DPP10: variants seen among roughly 807,000 people sequenced by gnomAD.
DPP10 encodes dipeptidyl peptidase like 10, also known as inactive dipeptidyl peptidase 10.
DPP10 carries 33 observed loss-of-function variants against 120.9 expected under a neutral mutation model. That is an observed-to-expected ratio of 0.27 (90% CI 0.21 to 0.37). The LOEUF is 0.37. Ranked by LOEUF, DPP10 falls within the 10% of genes least tolerant of loss-of-function variation. The pLI is 1.00. For synonymous variants in DPP10, 337 were observed against 326.1 expected (o/e 1.03, Z -0.36); for missense variants, 816 against 942.8 (o/e 0.87, Z 1.76).
chr2:115,098,759 A>G (rs1048952011), intron 1 of DPP10, among the ~76,000 whole-genome samples: 2 of 152,224 alleles, frequency 1.3e-5, no homozygotes, highest in Non-Finnish European at 2.9e-5. Context: ...CAGCCCATGC[A>G]CTATAGCTAG....
At chr2:114,796,125 C>T (rs1031155918) in intron 1 of DPP10, among the ~76,000 whole-genome samples, 9 of 152,250 alleles carry the variant, frequency 5.9e-5, no homozygotes, top group Middle Eastern at 6.8e-3. Context: ...CAGTAAAAAG[C>T]GATCTCTCAC....
chr2:115,453,729 T>G (rs2073306490), intron 3 of DPP10, among the ~76,000 whole-genome samples: 1 of 151,342 alleles, frequency 6.6e-6, no homozygotes, highest in Admixed American at 6.6e-5. Context: ...CTTAAGAAAC[T>G]TAACAACAGA....
chr2:115,195,978 TAAAG>T (rs1030768608), intron 1 of DPP10, among the ~76,000 whole-genome samples: 3 of 152,212 alleles, frequency 2.0e-5, no homozygotes, highest in Non-Finnish European at 4.4e-5. Context: ...GAAGCAGAGA[TAAAG>T]AACACATCTT....
intron 1 of DPP10, among the ~76,000 whole-genome samples, chr2:114,938,125 C>T (rs1362994993): frequency 1.3e-5 from 2 of 152,132 alleles, no homozygotes; most frequent in African/African-American, 4.8e-5. Context: ...CTATTTCATC[C>T]TAACCATTTT....
chr2:115,442,363 T>TTGTGTGTGTG (rs555025083), intron 3 of DPP10, among the ~76,000 whole-genome samples: 201 of 147,350 alleles, frequency 1.4e-3, no homozygotes, highest in African/African-American at 4.6e-3. Context: ...GTGTGTGTGT[T>TTGTGTGTGTG]TGTGTGTGTG....
intron 3 of DPP10, among the ~76,000 whole-genome samples, chr2:115,391,720 T>C (rs977739516): frequency 3.3e-5 from 5 of 152,006 alleles, no homozygotes; most frequent in Admixed American, 2.6e-4. Context: ...CCAAGATTCA[T>C]TTCATTAAAC....
chr2:115,741,099 A>G (rs996439926), intron 9 of DPP10, among the ~76,000 whole-genome samples: 3 of 152,020 alleles, frequency 2.0e-5, no homozygotes, highest in Admixed American at 1.3e-4. Context: ...TTCTGTTCCC[A>G]CCAGCCACCA....
At chr2:115,386,965 T>C (rs553351375) in intron 3 of DPP10, among the ~76,000 whole-genome samples, 140 of 151,262 alleles carry the variant, frequency 9.3e-4, no homozygotes, top group African/African-American at 3.3e-3. Context: ...CTTTAAAGAG[T>C]GCTAAATTCA....
chr2:115,661,033 C>G lies in DPP10; in HGVS notation c.442-28654C>G, dbSNP rs561241894. On this transcript the variant is annotated intron_variant, in intron 5 of 25. Coordinates refer to ENST00000410059, the MANE Select transcript of DPP10 (RefSeq NM_020868.6). ...TGGCGTGATCTCGGCTCACTGCAAA[C>G]TCTGCCTCCTGGGTTCAAGTAATTC... 3.9e-5 allele frequency among the ~76,000 whole-genome samples: 6 copies of G among 151,932 alleles called. No individual in the cohort carries two copies. The South Asian group carries it at 1.2e-3, about 32-fold the overall frequency.
At chr2:115,688,285 C>T (rs2091120199) in intron 5 of DPP10, among the ~76,000 whole-genome samples, 1 of 152,168 alleles carries the variant, frequency 6.6e-6, no homozygotes, top group Admixed American at 6.6e-5. Context: ...AAACACAATA[C>T]TCTAACAAAT....
At chr2:114,782,120 A>G (rs879832400) in intron 1 of DPP10, among the ~76,000 whole-genome samples, 1 of 151,866 alleles carries the variant, frequency 6.6e-6, no homozygotes, top group Non-Finnish European at 1.5e-5. Context: ...GCCTCAACCT[A>G]CTTAATTACA....
At chr2:114,534,535 C>G (rs1020997074) in intron 1 of DPP10, among the ~76,000 whole-genome samples, 1 of 152,156 alleles carries the variant, frequency 6.6e-6, no homozygotes, top group Non-Finnish European at 1.5e-5. Context: ...CCAGAAAACC[C>G]TCCCACTCTT....
intron 2 of DPP10, among the ~76,000 whole-genome samples, chr2:115,332,019 G>A (rs531762807): frequency 6.6e-5 from 10 of 151,956 alleles, no homozygotes; most frequent in African/African-American, 1.9e-4. Flanking sequence ...CTCCTTGTAC[G>A]TCTGGTAGAA....
intron 3 of DPP10, among the ~76,000 whole-genome samples, chr2:115,483,384 T>C (rs1389430042): frequency 6.6e-6 from 1 of 152,094 alleles, no homozygotes; most frequent in African/African-American, 2.4e-5. Flanking sequence ...AACCCAAATC[T>C]CTGAAACATA....
intron 1 of DPP10, among the ~76,000 whole-genome samples, chr2:114,929,470 C>T (rs1558890180): frequency 6.6e-6 from 1 of 152,126 alleles, no homozygotes; most frequent in Non-Finnish European, 1.5e-5. Context: ...TTAGAGGCCT[C>T]CCCCTGGGAA....
intron 5 of DPP10, among the ~76,000 whole-genome samples, chr2:115,565,983 C>T (rs2080987366): frequency 6.6e-6 from 1 of 151,880 alleles, no homozygotes; most frequent in Non-Finnish European, 1.5e-5. Context: ...GACGGGGTTT[C>T]ACCATGTTGG....
At chr2:114,635,990 C>T (rs1407397100) in intron 1 of DPP10, among the ~76,000 whole-genome samples, 1 of 148,412 alleles carries the variant, frequency 6.7e-6, no homozygotes, top group Non-Finnish European at 1.5e-5. Flanking sequence ...GTGAAAGACA[C>T]ACGTTTCAGA....
intron 1 of DPP10, among the ~76,000 whole-genome samples, chr2:115,051,950 CA>C (rs1427701658): frequency 2.0e-5 from 3 of 152,098 alleles, no homozygotes; most frequent in Non-Finnish European, 2.9e-5. Context: ...CATACATATA[CA>C]ATTTTTGTCA....
chr2:115,433,875 A>G (rs2071235086), intron 3 of DPP10, among the ~76,000 whole-genome samples: 1 of 152,040 alleles, frequency 6.6e-6, no homozygotes, highest in African/African-American at 2.4e-5. Flanking sequence ...CACGATTACC[A>G]TGCTCAAATC....
Sources: gnomAD v4.1 joint callset for allele counts (sites outside exome capture counted in the v4.1 genomes callset) on GRCh38, gnomAD v4.1.1 for gene constraint, MANE v1.5 for transcripts, NCBI Gene and HGNC (gene_info 2026-07-23, HGNC 2026-07-21) for gene names.